TXN: variants seen among roughly 807,000 people sequenced by gnomAD.
TXN encodes ADF.
A neutral mutation model predicts 16.5 loss-of-function variants in TXN; 10 were observed. That is an observed-to-expected ratio of 0.61 (90% confidence interval 0.37 to 1.03). TXN has a LOEUF of 1.03. Among genes scored for constraint, TXN ranks in the 50% least tolerant of loss-of-function variants. The pLI, the probability that TXN is intolerant of heterozygous loss-of-function variation, is 0.01. For missense variants in TXN, 71 were observed against 122.5 expected (o/e 0.58, Z 1.98); for synonymous variants, 35 against 39.4 (o/e 0.89, Z 0.42).
rs5899890 is a variant in TXN, at chr9:110,251,586, CAAAAAAAAAAAAAAA to C, written c.25-139_25-125del. The C allele has an allele frequency of 2.9e-3, 161 of 56,326 alleles. 1 individual carries two copies. Among genetic ancestry groups the C allele is most frequent in the African/African-American group, 7.9e-3 (140 of 17,800 alleles). The allele number at this position is 56,326 out of a possible 1,614,324, so 3.5% of individuals were successfully genotyped here. On this transcript the variant is annotated intron_variant, in intron 1 of 4. Transcript: ENST00000374517. ...CTCCTTTCAGGACCTACTTTTTAGC[CAAAAAAAAAAAAAAA>C]AAAAAAAAAAAATCCCCAAACAAGC...
chr9:110,250,992 C>T (rs1221825350), intron 2 of TXN, 113 bp from the exon 3 acceptor site: 76 of 767,922 alleles, frequency 9.9e-5, no homozygotes, highest in Non-Finnish European at 1.3e-5. Context: ...ATTAAAGATC[C>T]AAAAATTTAG....
intron 1 of TXN, among the ~76,000 whole-genome samples, chr9:110,253,791 A>G: frequency 6.6e-6 from 1 of 152,196 alleles, no homozygotes. Flanking sequence ...TCAGCTTGAA[A>G]ATTATTCAAG....
At chr9:110,252,909 C>T (rs1024238751) in intron 1 of TXN, among the ~76,000 whole-genome samples, 13 of 151,968 alleles carry the variant, frequency 8.6e-5, no homozygotes, top group Non-Finnish European at 1.8e-4. Context: ...CCTCCCAAAA[C>T]AAAGGACTCA....
intron 3 of TXN, among the ~76,000 whole-genome samples, chr9:110,247,093 C>T (rs144318249): frequency 8.5e-5 from 13 of 152,240 alleles, no homozygotes; most frequent in East Asian, 7.7e-4. Context: ...GAGGCCAAGA[C>T]GGGTGGATCA....
intron 1 of TXN, among the ~76,000 whole-genome samples, chr9:110,251,998 G>A (rs955480648): frequency 4.6e-5 from 7 of 151,982 alleles, no homozygotes; most frequent in Non-Finnish European, 1.0e-4. Context: ...GGCCGAGGTG[G>A]GCGGATCACT....
intron 1 of TXN, among the ~76,000 whole-genome samples, chr9:110,255,252 G>C (rs1427536327): frequency 6.6e-6 from 1 of 152,210 alleles, no homozygotes; most frequent in African/African-American, 2.4e-5. Context: ...CAGGGTAGGC[G>C]CTGGCGAGGG....
intron 1 of TXN, among the ~76,000 whole-genome samples, chr9:110,252,358 C>T (rs1403852993): frequency 1.3e-5 from 2 of 152,150 alleles, no homozygotes; most frequent in South Asian, 2.1e-4. Context: ...CAGACATCAC[C>T]GTTGACATAA....
At chr9:110,251,951 C>T (rs1837743773) in intron 1 of TXN, among the ~76,000 whole-genome samples, 1 of 152,056 alleles carries the variant, frequency 6.6e-6, no homozygotes, top group Non-Finnish European at 1.5e-5. Flanking sequence ...GTTGGCTGGG[C>T]ATGGTGGCTC....
chr9:110,250,010 G>A (rs552697049), intron 3 of TXN, among the ~76,000 whole-genome samples: 4 of 152,086 alleles, frequency 2.6e-5, no homozygotes, highest in East Asian at 1.9e-4. Context: ...TCCTCAACCC[G>A]CTCTCCTAGG....
intron 1 of TXN, among the ~76,000 whole-genome samples, chr9:110,252,484 G>A (rs1837753923): frequency 6.6e-6 from 1 of 152,008 alleles, no homozygotes; most frequent in African/African-American, 2.4e-5. Flanking sequence ...TCCTCATGAA[G>A]GAAATTTTTC....
intron 3 of TXN, among the ~76,000 whole-genome samples, chr9:110,247,081 G>A (rs1466835031): frequency 6.6e-6 from 1 of 152,160 alleles, no homozygotes; most frequent in Non-Finnish European, 1.5e-5. Flanking sequence ...CCAGCACTTT[G>A]GGAGGCCAAG....
intron 1 of TXN, among the ~76,000 whole-genome samples, chr9:110,254,099 T>C (rs1837775760): frequency 6.6e-6 from 1 of 151,940 alleles, no homozygotes; most frequent in African/African-American, 2.4e-5. Context: ...AATTATTCCA[T>C]TCCTCTCTGA....
chr9:110,250,477 G>A (rs924836392), intron 3 of TXN, among the ~76,000 whole-genome samples: 3 of 152,194 alleles, frequency 2.0e-5, no homozygotes, highest in Admixed American at 6.5e-5. Flanking sequence ...TCATAATTTG[G>A]TGACTCCATC....
In TXN at chr9:110,244,217, C is replaced by T. The variant is rs1305264150; in HGVS notation, c.258G>A (p.Val86=). The change falls in exon 5 of 5, where the codon GTG becomes GTA. Residue 86 remains valine (V), a splice_region_variant and synonymous_variant. Coordinates refer to ENST00000374517, the MANE Select transcript of TXN (RefSeq NM_003329.4). ...CCTTATTGGCTCCAGAAAATTCACCCACCTGTTAAGAGAATATTGAATTGA... is the reference window on the plus strand; with the variant it reads ...CCTTATTGGCTCCAGAAAATTCACCTACCTGTTAAGAGAATATTGAATTGA... ...TFQFFKKGQK[V]GEFSGANKEK... 3 of 1,556,456 alleles carry T rather than the reference C, an allele frequency of 1.9e-6. No individual in the cohort carries two copies.
chr9:110,245,632 ATATATATATATATATATATATATTTT>A (rs1331086083), intron 3 of TXN, among the ~76,000 whole-genome samples: 4 of 21,088 alleles, frequency 1.9e-4, no homozygotes, highest in Admixed American at 1.0e-3. Flanking sequence ...ATATATATAT[ATATATATATATATATATATATATTTT>A]TTTTTTTTTT....
At position 110,256,035 on chromosome 9, in the gene TXN, G is replaced by A. The variant is rs1417913941; in HGVS notation, c.24+377C>T. ...CATCTTCCTCCAGTCGGGGCTGCCC[G>A]GACGGGAGGGTGCAGGAGGCGCAGC... On this transcript the variant is annotated intron_variant, in intron 1 of 4. Coordinates refer to ENST00000374517, the MANE Select transcript of TXN (RefSeq NM_003329.4). This position sits in a 1 kb window ranked among gnomAD's most constrained non-coding sequence, Gnocchi z 4.2. Among the ~76,000 whole-genome samples, 2 of 152,210 alleles carry A rather than the reference G, an allele frequency of 1.3e-5. No individual in the cohort carries two copies. Among genetic ancestry groups the A allele is most frequent in the Non-Finnish European group, 1.5e-5 (1 of 68,018 alleles).
intron 1 of TXN, among the ~76,000 whole-genome samples, chr9:110,251,756 A>AT (rs1402990873): frequency 3.9e-5 from 6 of 152,086 alleles, no homozygotes; most frequent in Non-Finnish European, 8.8e-5. Flanking sequence ...TGAACTGGCT[A>AT]TTTTTTCTCT....
intron 4 of TXN, 106 bp from the exon 5 acceptor site, chr9:110,244,325 A>AAATATGTATT (rs996996854): frequency 5.6e-5 from 17 of 300,954 alleles, no homozygotes; most frequent in African/African-American, 3.6e-4. Flanking sequence ...ACATATGTAT[A>AAATATGTATT]TATATACATA....
intron 3 of TXN, among the ~76,000 whole-genome samples, chr9:110,246,155 A>G (rs1837657314): frequency 6.6e-6 from 1 of 152,162 alleles, no homozygotes; most frequent in South Asian, 2.1e-4. Flanking sequence ...CATCAACCCC[A>G]TCTTAAACCA....
Sources: gnomAD v4.1 joint callset for allele counts (sites outside exome capture counted in the v4.1 genomes callset) on GRCh38, gnomAD v4.1.1 for gene constraint, Gnocchi (gnomAD v3.1) non-coding constraint, MANE v1.5 for transcripts, NCBI Gene and HGNC (gene_info 2026-07-23, HGNC 2026-07-21) for gene names.